DNAJC1: variants seen among roughly 807,000 people sequenced by gnomAD.
DNAJC1 encodes the protein DnaJ heat shock protein family (Hsp40) member C1.
In DNAJC1, 58 loss-of-function variants were observed where a neutral mutation model predicts 76.6. That is an observed-to-expected ratio of 0.76 (90% CI 0.61 to 0.94). The LOEUF is 0.94. Among genes scored for constraint, DNAJC1 ranks in the 40% least tolerant of loss-of-function variants. The pLI is 0.00. For synonymous variants in DNAJC1, 258 were observed against 267.9 expected (o/e 0.96, Z 0.36); for missense variants, 689 against 677.3 (o/e 1.02, Z -0.19).
chr10:21,978,273 G>C (rs1838097455), intron 1 of DNAJC1, among the ~76,000 whole-genome samples: 1 of 152,266 alleles, frequency 6.6e-6, no homozygotes, highest in South Asian at 2.1e-4. Flanking sequence ...GAGGGAGAGA[G>C]AAACATGCAA....
chr10:21,908,141 T>C (rs1439177151), intron 6 of DNAJC1, among the ~76,000 whole-genome samples: 2 of 105,778 alleles, frequency 1.9e-5, no homozygotes, highest in African/African-American at 7.8e-5. Context: ...TATATAAAAA[T>C]ATATAATATA....
chr10:21,838,238 AAAG>A (rs1430460657), intron 8 of DNAJC1, among the ~76,000 whole-genome samples: 26 of 152,238 alleles, frequency 1.7e-4, no homozygotes, highest in Non-Finnish European at 2.9e-5. Flanking sequence ...GTCTGTGTAG[AAAG>A]AAGTAGACAT....
At chr10:21,904,655 G>C in intron 6 of DNAJC1, 43 bp from the exon 7 acceptor site, 1 of 1,223,142 alleles carries the variant, frequency 8.2e-7, no homozygotes, top group Non-Finnish European at 1.2e-6. Flanking sequence ...AAAAATCAGT[G>C]TGCTTCAATA....
At chr10:21,951,838 A>G (rs1837599627) in intron 1 of DNAJC1, among the ~76,000 whole-genome samples, 1 of 152,218 alleles carries the variant, frequency 6.6e-6, no homozygotes, top group African/African-American at 2.4e-5. Flanking sequence ...TAATGCAATT[A>G]TATAAGTTTA....
At chr10:21,891,812 A>G (rs976467677) in intron 7 of DNAJC1, among the ~76,000 whole-genome samples, 8 of 152,220 alleles carry the variant, frequency 5.3e-5, no homozygotes, top group African/African-American at 1.9e-4. Flanking sequence ...AATAATGGCT[A>G]AAAGAAGCTC....
intron 9 of DNAJC1, among the ~76,000 whole-genome samples, chr10:21,799,303 TG>T (rs1391688702): frequency 5.3e-5 from 8 of 152,162 alleles, no homozygotes; most frequent in African/African-American, 1.9e-4. Flanking sequence ...TTGTTGTTGT[TG>T]TTTTTTTGTT....
intron 1 of DNAJC1, among the ~76,000 whole-genome samples, chr10:21,990,108 T>G (rs1262888263): frequency 6.6e-6 from 1 of 152,178 alleles, no homozygotes; most frequent in Non-Finnish European, 1.5e-5. Context: ...CTATAGCAAT[T>G]TCTGGCTACA....
chr10:21,861,746 G>A (rs530183289), intron 8 of DNAJC1, among the ~76,000 whole-genome samples: 1 of 148,766 alleles, frequency 6.7e-6, no homozygotes, highest in South Asian at 2.2e-4. Context: ...AAATGCCATG[G>A]TAACGTCAGG....
chr10:21,761,511 A>G (rs1399807077), intron 10 of DNAJC1, among the ~76,000 whole-genome samples: 2 of 150,306 alleles, frequency 1.3e-5, no homozygotes, highest in Non-Finnish European at 3.0e-5. Flanking sequence ...GTGTACTGAG[A>G]TCGTACCACA....
intron 8 of DNAJC1, among the ~76,000 whole-genome samples, chr10:21,816,009 G>T (rs569613013): frequency 6.6e-6 from 1 of 151,706 alleles, no homozygotes; most frequent in African/African-American, 2.4e-5. Flanking sequence ...CTCCCAAAGT[G>T]CTGGGATTAC....
chr10:21,963,257 C>A (rs1347189065), intron 1 of DNAJC1, among the ~76,000 whole-genome samples: 1 of 152,166 alleles, frequency 6.6e-6, no homozygotes, highest in African/African-American at 2.4e-5. Context: ...ACGCTCAGTA[C>A]ATAATTTGAA....
intron 8 of DNAJC1, among the ~76,000 whole-genome samples, chr10:21,810,959 A>C (rs1429338203): frequency 6.6e-6 from 1 of 152,196 alleles, no homozygotes; most frequent in African/African-American, 2.4e-5. Context: ...GTTTGCCTCC[A>C]AAGGGACCCA....
rs114571912 is a variant in DNAJC1, at chr10:21,774,909, A to G, written c.1099-8600T>C. ...ATTCACCTAGCACTGATATTCTAGT[A>G]TTAGAACATAGCCTTTACTGACTTA... On this transcript the variant is annotated intron_variant, in intron 9 of 11. Coordinates refer to ENST00000376980, the MANE Select transcript of DNAJC1 (RefSeq NM_022365.4). Among the ~76,000 whole-genome samples, 481 of 152,352 alleles carry G rather than the reference A, an allele frequency of 3.2e-3. 5 individuals are homozygous for G. The highest frequency in any genetic ancestry group is 0.011 in the African/African-American group (447 of 41,580).
At chr10:21,828,659 T>C (rs1298323035) in intron 8 of DNAJC1, among the ~76,000 whole-genome samples, 1 of 152,220 alleles carries the variant, frequency 6.6e-6, no homozygotes, top group Non-Finnish European at 1.5e-5. Flanking sequence ...TCAATCTTGT[T>C]CCATGGCTAT....
chr10:21,811,277 T>C (rs917103111), intron 8 of DNAJC1, among the ~76,000 whole-genome samples: 1 of 152,224 alleles, frequency 6.6e-6, no homozygotes, highest in African/African-American at 2.4e-5. Flanking sequence ...TTGACTCTCA[T>C]AGCACCCACA....
At chr10:21,900,274 C>T (rs561148059) in intron 7 of DNAJC1, among the ~76,000 whole-genome samples, 8 of 150,406 alleles carry the variant, frequency 5.3e-5, no homozygotes, top group South Asian at 4.2e-4. Flanking sequence ...ACCTGGGAGG[C>T]GGAGGTTGCA....
intron 7 of DNAJC1, among the ~76,000 whole-genome samples, chr10:21,891,518 C>T (rs76686901): frequency 1.1e-4 from 16 of 149,784 alleles, no homozygotes; most frequent in Middle Eastern, 6.9e-3. Context: ...AAAAGAACAC[C>T]GCCCTGGGAA....
At chr10:21,937,677 C>T (rs1290941861) in intron 1 of DNAJC1, among the ~76,000 whole-genome samples, 1 of 152,022 alleles carries the variant, frequency 6.6e-6, no homozygotes, top group Non-Finnish European at 1.5e-5. Flanking sequence ...TTCTGAAGTG[C>T]ATAAGGAATA....
At chr10:21,946,718 T>C (rs1837511506) in intron 1 of DNAJC1, among the ~76,000 whole-genome samples, 1 of 152,172 alleles carries the variant, frequency 6.6e-6, no homozygotes, top group African/African-American at 2.4e-5. Context: ...TGTACAACGA[T>C]GTTCATAGAA....
Sources: allele counts gnomAD v4.1 joint callset (sites outside exome capture counted in the v4.1 genomes callset), GRCh38; gene constraint gnomAD v4.1.1; transcripts MANE v1.5; gene names NCBI Gene and HGNC (gene_info 2026-07-23, HGNC 2026-07-21).